The following BNIP2 variants were observed in gnomAD, a reference collection of about 807,000 sequenced individuals.
BNIP2 encodes the protein BCL2 interacting protein 2.
In BNIP2, 36 loss-of-function variants were observed where a neutral mutation model predicts 43.4. The ratio of observed to expected loss-of-function variants is 0.83; its 90% CI spans 0.64 to 1.10. The LOEUF is 1.10. Among genes scored for constraint, BNIP2 ranks in the 50% least tolerant of loss-of-function variants. The probability of loss-of-function intolerance (pLI) is 0.00; values close to 1 mark genes in which losing one functional copy is unlikely to be tolerated. For missense variants in BNIP2, 417 were observed against 374.1 expected (o/e 1.11, Z -0.95); for synonymous variants, 146 against 121.0 (o/e 1.21, Z -1.35).
intron 5 of BNIP2, chr15:59,676,759 G>A: frequency 1.4e-6 from 2 of 1,456,056 alleles, no homozygotes; most frequent in Non-Finnish European, 9.3e-7. Context: ...GGGGTGTCAT[G>A]GAGGATGAGC....
intron 9 of BNIP2, among the ~76,000 whole-genome samples, chr15:59,667,743 A>T (rs1236597828): frequency 6.6e-6 from 1 of 152,262 alleles, no homozygotes; most frequent in Non-Finnish European, 1.5e-5. Context: ...TTTCAAAAGC[A>T]CAAGTTAGCG....
Position 59,682,519 on chromosome 15 carries a change from G to C in BNIP2, c.-57-5C>G, listed in dbSNP as rs62012469. On this transcript the variant is annotated splice_polypyrimidine_tract_variant and splice_region_variant and intron_variant, in intron 1 of 9. Transcript: ENST00000607373. ...ATAATCCAGGGAGCCAATGTCCTAT[G>C]AAGAGAGAAAAATGTATAACTTAAT... The C allele has an allele frequency of 1.7e-3, 2,677 of 1,593,374 alleles. No homozygotes were observed. The highest frequency in any genetic ancestry group is 2.0e-3 in the Middle Eastern group (12 of 5,958).
intron 1 of BNIP2, 133 bp from the exon 2 acceptor site, chr15:59,682,647 G>A (rs1183730732): frequency 6.1e-6 from 4 of 654,038 alleles, no homozygotes; most frequent in Non-Finnish European, 9.3e-6. Flanking sequence ...CATTTACAGG[G>A]TTGCAATTTT....
rs527839919 is a variant in BNIP2, at chr15:59,660,241, A to G, written c.*3828T>C. On this transcript the variant is annotated 3_prime_UTR_variant, in exon 10 of 10. Transcript: ENST00000607373. Reference sequence around the variant, plus strand: ...GTCTAACTTGTGAGTACATACATTAATGCCTCTTTTTACTCTATCCCTCTC... The same window carrying G: ...GTCTAACTTGTGAGTACATACATTAGTGCCTCTTTTTACTCTATCCCTCTC... 2.6e-4 allele frequency: 40 copies of G among 152,294 alleles called. No homozygotes were observed. The highest frequency in any genetic ancestry group is 9.6e-4 in the African/African-American group (40 of 41,564). The allele number at this position is 152,294 out of a possible 1,614,324, so 9.4% of individuals were successfully genotyped here.
At chr15:59,667,985 C>T (rs1204385539) in intron 9 of BNIP2, 6 of 590,928 alleles carry the variant, frequency 1.0e-5, no homozygotes, top group African/African-American at 6.0e-5. Context: ...AGTTGGGGTA[C>T]ATTTATATTT....
chr15:59,670,802 G>A lies in BNIP2; in HGVS notation c.707+381C>T, dbSNP rs6151549. Among the ~76,000 whole-genome samples, 884 of 152,206 alleles carry A rather than the reference G, an allele frequency of 5.8e-3. 4 individuals carry two copies. Among genetic ancestry groups the A allele is most frequent in the African/African-American group, 0.02 (830 of 41,538 alleles). On this transcript the variant is annotated intron_variant, in intron 7 of 9. Transcript: ENST00000607373. ...AAAATAGCAACAGAAGGCTGGGCGC[G>A]GTGGCTCACGCCTGTAATCCCAGCA...
chr15:59,671,188 A>G lies in BNIP2; in HGVS notation c.702T>C (p.Asp234=), dbSNP rs1463207351. 12 of 1,594,008 alleles carry G rather than the reference A, an allele frequency of 7.5e-6. No homozygotes were observed. Among genetic ancestry groups the G allele is most frequent in the Non-Finnish European group, 9.4e-6 (11 of 1,169,078 alleles). The change falls in exon 7 of 10, where the codon GAT becomes GAC. Residue 234 remains aspartate, a synonymous_variant. Coordinates refer to ENST00000607373, the MANE Select transcript of BNIP2 (RefSeq NM_004330.4). ...GWLRKCYQQI[D]RRLRKNLKSL... is the part of the protein sequence containing the mutation. ...TCAACTTGTATTTGTATTACCTTCTATCAATTTGCTGATAACATTTCCTGA... is the reference window on the plus strand; with the variant it reads ...TCAACTTGTATTTGTATTACCTTCTGTCAATTTGCTGATAACATTTCCTGA...
At position 59,669,004 on chromosome 15, in the gene BNIP2, T is replaced by C. The variant is rs368806052; in HGVS notation, c.795-14A>G. The C allele has an allele frequency of 1.9e-6, 3 of 1,588,098 alleles. No homozygotes were observed. The highest frequency in any genetic ancestry group is 1.3e-5 in the African/African-American group (1 of 74,314). On this transcript the variant is annotated splice_polypyrimidine_tract_variant and intron_variant, in intron 8 of 9. Transcript: ENST00000607373. Reference sequence around the variant, plus strand: ...CTGAATTTCGAGCTATGGAAGAAAATAAAAATAATTACTTCCATATTTCTG... The same window carrying C: ...CTGAATTTCGAGCTATGGAAGAAAACAAAAATAATTACTTCCATATTTCTG...
chr15:59,670,821 C>G (rs1464023114), intron 7 of BNIP2, among the ~76,000 whole-genome samples: 1 of 152,142 alleles, frequency 6.6e-6, no homozygotes, highest in Non-Finnish European at 1.5e-5. Context: ...CGCCTGTAAT[C>G]CCAGCACTTC....
intron 9 of BNIP2, 103 bp downstream of exon 9, chr15:59,668,789 G>T: frequency 9.2e-7 from 1 of 1,086,384 alleles, no homozygotes; most frequent in Non-Finnish European, 1.3e-6. Flanking sequence ...CGCGCGCACA[G>T]TTATAAAATA....
At chr15:59,681,219 A>C (rs1350653447) in intron 2 of BNIP2, among the ~76,000 whole-genome samples, 1 of 152,148 alleles carries the variant, frequency 6.6e-6, no homozygotes. Context: ...AAGCTATCCA[A>C]CTGCTAAGGC....
chr15:59,678,647 A>G (rs549440200), intron 4 of BNIP2: 1 of 1,176,554 alleles, frequency 8.5e-7, no homozygotes, highest in Non-Finnish European at 1.1e-6. Flanking sequence ...TAGCCAAAGC[A>G]TAAGCACCAA....
At chr15:59,682,254 G>A (rs933403199) in intron 2 of BNIP2, among the ~76,000 whole-genome samples, 154 bp downstream of exon 2, 1 of 152,028 alleles carries the variant, frequency 6.6e-6, no homozygotes, top group East Asian at 1.9e-4. Flanking sequence ...TTGAATCCAG[G>A]AGGCGGAGGT....
At chr15:59,666,443 G>A (rs1023950002) in intron 9 of BNIP2, among the ~76,000 whole-genome samples, 3 of 152,098 alleles carry the variant, frequency 2.0e-5, no homozygotes, top group Non-Finnish European at 4.4e-5. Context: ...GAGGTGGGTG[G>A]ATCACTTGAG....
In BNIP2 at chr15:59,663,997, T is replaced by C; in HGVS notation, c.*72A>G. 8.4e-7 allele frequency: 1 copy of C among 1,185,042 alleles called. No homozygotes were observed. Among genetic ancestry groups the C allele is most frequent in the Non-Finnish European group, 1.2e-6 (1 of 850,580 alleles). 73.4% of individuals were successfully genotyped at this position (1,185,042 alleles called of 1,614,324 possible). On this transcript the variant is annotated 3_prime_UTR_variant, in exon 10 of 10. Transcript: ENST00000607373. ...TTACATAAAAATATGGGCCAATAAATGCATTATGAATGCAGAAACAGCACT... is the reference window on the plus strand; with the variant it reads ...TTACATAAAAATATGGGCCAATAAACGCATTATGAATGCAGAAACAGCACT...
chr15:59,672,413 A>T, intron 6 of BNIP2: 1 of 355,294 alleles, frequency 2.8e-6, no homozygotes, highest in East Asian at 4.8e-5. Context: ...AGGTGGGGCT[A>T]CAGGCCCATA....
chr15:59,682,831 A>T (rs1290204986), intron 1 of BNIP2, among the ~76,000 whole-genome samples: 1 of 152,222 alleles, frequency 6.6e-6, no homozygotes, highest in Non-Finnish European at 1.5e-5. Context: ...AAAAAATTTG[A>T]AGTGGGGTAA....
intron 4 of BNIP2, 81 bp downstream of exon 4, chr15:59,679,511 A>T: frequency 7.2e-7 from 1 of 1,398,210 alleles, no homozygotes; most frequent in Non-Finnish European, 9.7e-7. Flanking sequence ...AAATATATGA[A>T]CTTTAGAAAG....
Position 59,664,183 on chromosome 15 carries a change from A to G in BNIP2, c.894-63T>C, listed in dbSNP as rs530784417. On this transcript the variant is annotated intron_variant, in intron 9 of 9. Transcript: ENST00000607373. Reference sequence around the variant, plus strand: ...ACTGAACAATTTTCTTTCTAAAAATAATGACTATTTTAGCATAGAATATTA... The same window carrying G: ...ACTGAACAATTTTCTTTCTAAAAATGATGACTATTTTAGCATAGAATATTA... The G allele has an allele frequency of 4.0e-5, 46 of 1,145,204 alleles. No homozygotes were observed. The East Asian group carries it at 5.8e-4, about 14-fold the overall frequency. The allele number at this position is 1,145,204 out of a possible 1,614,324, so 70.9% of individuals were successfully genotyped here.
Sources: gnomAD v4.1 joint callset for allele counts (sites outside exome capture counted in the v4.1 genomes callset) on GRCh38, gnomAD v4.1.1 for gene constraint, MANE v1.5 for transcripts, NCBI Gene and HGNC (gene_info 2026-07-23, HGNC 2026-07-21) for gene names.